Variants in DENND1A observed in about 807,000 individuals in gnomAD.
The protein encoded by DENND1A is DENN domain-containing protein 1A.
DENND1A carries 51 observed loss-of-function variants against 113.7 expected under a neutral mutation model. That is an observed-to-expected ratio of 0.45 (90% confidence interval 0.36 to 0.57). The LOEUF (loss-of-function observed/expected upper bound fraction) is 0.57. Ranked by LOEUF, DENND1A falls within the 20% of genes least tolerant of loss-of-function variation. DENND1A has a pLI of 0.00. For missense variants in DENND1A, 1,258 were observed against 1,395.9 expected (o/e 0.90, Z 1.57); for synonymous variants, 565 against 570.8 (o/e 0.99, Z 0.14).
intron 2 of DENND1A, among the ~76,000 whole-genome samples, chr9:123,868,458 T>C (rs576662416): frequency 6.6e-6 from 1 of 152,348 alleles, no homozygotes; most frequent in East Asian, 1.9e-4. Flanking sequence ...ACTTTCCATG[T>C]CCCATGCATG....
intron 9 of DENND1A, among the ~76,000 whole-genome samples, chr9:123,645,391 C>T (rs960249670): frequency 6.6e-6 from 1 of 152,186 alleles, no homozygotes; most frequent in Non-Finnish European, 1.5e-5. Flanking sequence ...CAAAAAATCT[C>T]AGGCTGAGAT....
At chr9:123,423,781 C>G (rs905290924) in intron 19 of DENND1A, among the ~76,000 whole-genome samples, 3 of 152,166 alleles carry the variant, frequency 2.0e-5, no homozygotes, top group African/African-American at 7.2e-5. Flanking sequence ...TTATGGGGTC[C>G]TTGGCATAAC....
intron 19 of DENND1A, chr9:123,413,613 T>C: frequency 3.0e-6 from 3 of 985,354 alleles, no homozygotes; most frequent in Non-Finnish European, 3.6e-6. Flanking sequence ...TGGTGGAGGG[T>C]TCCCTGGCGG....
intron 2 of DENND1A, among the ~76,000 whole-genome samples, chr9:123,847,177 T>C (rs1175585818): frequency 1.3e-5 from 2 of 152,068 alleles, no homozygotes; most frequent in Non-Finnish European, 2.9e-5. Flanking sequence ...TAGACACAGC[T>C]GAAGAGAGAA....
intron 19 of DENND1A, among the ~76,000 whole-genome samples, chr9:123,420,857 C>T (rs1412917043): frequency 6.6e-4 from 5 of 7,560 alleles, no homozygotes; most frequent in East Asian, 5.0e-3. Context: ...GGGACAGAGG[C>T]GGGGGAGGGA....
At chr9:123,771,989 G>A (rs1227973723) in intron 3 of DENND1A, among the ~76,000 whole-genome samples, 2 of 152,172 alleles carry the variant, frequency 1.3e-5, no homozygotes, top group Middle Eastern at 3.4e-3. Context: ...CAAACAAGAT[G>A]GTGGTGTGCT....
At chr9:123,863,321 TTCA>T (rs1845328609) in intron 2 of DENND1A, among the ~76,000 whole-genome samples, 1 of 152,204 alleles carries the variant, frequency 6.6e-6, no homozygotes, top group Admixed American at 6.5e-5. Context: ...TCAGAGTTGA[TTCA>T]AATGTAAATG....
intron 5 of DENND1A, among the ~76,000 whole-genome samples, chr9:123,700,734 T>A (rs750285468): frequency 6.6e-6 from 1 of 152,348 alleles, no homozygotes; most frequent in African/African-American, 2.4e-5. Context: ...CAGTACCATC[T>A]ATACTAGTGT....
intron 12 of DENND1A, among the ~76,000 whole-genome samples, chr9:123,576,089 C>A (rs759583788): frequency 1.3e-5 from 2 of 152,160 alleles, no homozygotes; most frequent in African/African-American, 2.4e-5. Flanking sequence ...AGCTATATAT[C>A]TCTGTCTTAT....
chr9:123,545,917 G>A (rs1479677969), intron 13 of DENND1A, among the ~76,000 whole-genome samples: 2 of 152,260 alleles, frequency 1.3e-5, no homozygotes, highest in East Asian at 3.9e-4. Flanking sequence ...AAAAGTGAGA[G>A]ACCCTAAAGT....
chr9:123,903,331 CAAAA>C (rs869154918), intron 1 of DENND1A, among the ~76,000 whole-genome samples: 2,407 of 26,546 alleles, frequency 0.091, 11 homozygotes, highest in Non-Finnish European at 0.12. Context: ...GACTCCGTCT[CAAAA>C]AAAAAAAAAA....
Position 123,382,300 on chromosome 9 carries a change from G to A in DENND1A, c.2345C>T (p.Pro782Leu), listed in dbSNP as rs753030912. 6.0e-5 allele frequency: 96 copies of A among 1,610,786 alleles called. 2 individuals carry two copies. In the East Asian group the frequency reaches 1.6e-3, roughly 28 times the overall value. The change falls in exon 24 of 24, where the codon CCG (proline) becomes CTG (leucine). Residue 782 changes from proline (P) to leucine (L), a missense_variant. Physicochemically the swap from Pro to Leu is moderately conservative, Grantham distance 98 (BLOSUM62 -3). Transcript: ENST00000394215. ...GIVPPPPIPR[P>L]AKLQAAGAAL... ...GGCGCCGGCAGCCTGGAGCTTGGCC[G>A]GGCGGGGAATGGGCGGTGGAGGCAC...
At chr9:123,876,878 A>T (rs899855276) in intron 2 of DENND1A, among the ~76,000 whole-genome samples, 12 of 152,200 alleles carry the variant, frequency 7.9e-5, no homozygotes, top group African/African-American at 2.9e-4. Context: ...ACTCAGCCAT[A>T]AAAAAGAATG....
At chr9:123,522,858 G>A (rs1465893561) in intron 13 of DENND1A, among the ~76,000 whole-genome samples, 1 of 152,184 alleles carries the variant, frequency 6.6e-6, no homozygotes, top group Non-Finnish European at 1.5e-5. Context: ...GAAGTCTAGA[G>A]AGATGGAGCC....
intron 13 of DENND1A, among the ~76,000 whole-genome samples, chr9:123,512,150 C>T (rs1446964456): frequency 6.6e-6 from 1 of 152,182 alleles, no homozygotes; most frequent in Non-Finnish European, 1.5e-5. Flanking sequence ...AAGTCAGTGC[C>T]AAAGAATTGA....
intron 5 of DENND1A, among the ~76,000 whole-genome samples, chr9:123,706,700 G>T (rs1031619756): frequency 6.7e-6 from 1 of 149,390 alleles, no homozygotes; most frequent in Non-Finnish European, 1.5e-5. Flanking sequence ...GAACCCAGGA[G>T]GGGGAGCTTG....
intron 12 of DENND1A, among the ~76,000 whole-genome samples, chr9:123,577,476 A>G (rs1374607464): frequency 6.6e-6 from 1 of 152,070 alleles, no homozygotes; most frequent in African/African-American, 2.4e-5. Context: ...CTATTGACTA[A>G]TTTTCCTCTT....
intron 9 of DENND1A, among the ~76,000 whole-genome samples, chr9:123,638,060 A>G (rs1251000266): frequency 1.3e-5 from 2 of 152,122 alleles, no homozygotes; most frequent in African/African-American, 4.8e-5. Context: ...TACACAGGCA[A>G]TCAACCGCCT....
chr9:123,541,037 ATCAGACATATTATATGTTGAT>A (rs1437549184), intron 13 of DENND1A, among the ~76,000 whole-genome samples: 2 of 152,138 alleles, frequency 1.3e-5, no homozygotes, highest in Non-Finnish European at 2.9e-5. Context: ...ACTTATTACC[ATCAGACATATTATATGTTGAT>A]TTTCATCTTT....
Sources: allele counts gnomAD v4.1 joint callset (sites outside exome capture counted in the v4.1 genomes callset), GRCh38; gene constraint gnomAD v4.1.1; transcripts MANE v1.5; gene names NCBI Gene and HGNC (gene_info 2026-07-23, HGNC 2026-07-21).